PTPRD: variants seen among roughly 807,000 people sequenced by gnomAD.
PTPRD encodes protein tyrosine phosphatase receptor type D, also known as receptor-type tyrosine-protein phosphatase delta.
A neutral mutation model predicts 214.5 loss-of-function variants in PTPRD; 34 were observed. That is an observed-to-expected ratio of 0.16 (90% CI 0.12 to 0.21). The LOEUF (loss-of-function observed/expected upper bound fraction) is 0.21, where lower values mean the gene tolerates loss of function less well. Ranked by LOEUF, PTPRD falls within the 10% of genes least tolerant of loss-of-function variation. PTPRD has a pLI of 1.00. For missense variants in PTPRD, 2,545 were observed against 2,398.7 expected (o/e 1.06, Z -1.27); for synonymous variants, 1,128 against 845.7 (o/e 1.33, Z -5.79).
chr9:10,031,647 T>TATATATACAC, intron 4 of PTPRD, among the ~76,000 whole-genome samples: 5 of 89,644 alleles, frequency 5.6e-5, no homozygotes, highest in African/African-American at 4.0e-4. Context: ...TATATATATA[T>TATATATACAC]ACACACACAC....
intron 2 of PTPRD, among the ~76,000 whole-genome samples, chr9:10,556,983 C>T (rs921540274): frequency 6.6e-6 from 1 of 151,984 alleles, no homozygotes; most frequent in Non-Finnish European, 1.5e-5. Context: ...TATGAAATTA[C>T]GGATATACCA....
chr9:8,654,911 T>C (rs2096880135), intron 12 of PTPRD, among the ~76,000 whole-genome samples: 2 of 152,164 alleles, frequency 1.3e-5, no homozygotes, highest in African/African-American at 4.8e-5. Flanking sequence ...GCTCTTTTTT[T>C]CTGTTAGACT....
At chr9:8,357,257 A>C (rs1228746431) in intron 39 of PTPRD, among the ~76,000 whole-genome samples, 1 of 152,162 alleles carries the variant, frequency 6.6e-6, no homozygotes, top group Non-Finnish European at 1.5e-5. Context: ...GCTTTTCCTA[A>C]CTTTACCAGA....
intron 5 of PTPRD, among the ~76,000 whole-genome samples, chr9:9,924,829 T>C (rs1366116453): frequency 6.6e-6 from 1 of 152,066 alleles, no homozygotes; most frequent in African/African-American, 2.4e-5. Context: ...ATACCACATA[T>C]CTCTACTTTT....
intron 11 of PTPRD, among the ~76,000 whole-genome samples, chr9:8,755,529 C>CA (rs1555277291): frequency 0.17 from 14,688 of 88,056 alleles, 1,720 homozygotes; most frequent in African/African-American, 0.34. Context: ...AACTCTGTCT[C>CA]AAAAAAAAAA....
intron 5 of PTPRD, among the ~76,000 whole-genome samples, chr9:9,790,346 G>C (rs2025393): frequency 0.16 from 24,897 of 152,116 alleles, 3,169 homozygotes; most frequent in African/African-American, 0.35. Context: ...ACCTTCCCCA[G>C]GGGCTTGAGA....
intron 6 of PTPRD, among the ~76,000 whole-genome samples, chr9:9,753,980 G>C (rs780807526): frequency 6.6e-6 from 1 of 151,986 alleles, no homozygotes; most frequent in Non-Finnish European, 1.5e-5. Flanking sequence ...AGATCCCCTA[G>C]ATCCAATATA....
At chr9:10,206,986 C>G (rs983782210) in intron 3 of PTPRD, among the ~76,000 whole-genome samples, 1 of 152,034 alleles carries the variant, frequency 6.6e-6, no homozygotes, top group Non-Finnish European at 1.5e-5. Flanking sequence ...TTTTGTAAAA[C>G]TGAGGTCAAA....
At chr9:10,410,642 G>A (rs1166800706) in intron 2 of PTPRD, among the ~76,000 whole-genome samples, 1 of 151,576 alleles carries the variant, frequency 6.6e-6, no homozygotes, top group Non-Finnish European at 1.5e-5. Context: ...CTTGTACCAA[G>A]TGACATAAAA....
intron 9 of PTPRD, among the ~76,000 whole-genome samples, chr9:9,291,685 T>C (rs1951190814): frequency 6.6e-6 from 1 of 151,250 alleles, no homozygotes; most frequent in Admixed American, 6.6e-5. Context: ...ATTTAAAGGG[T>C]AATTGTGAAT....
chr9:8,484,344 ACTT>A lies in PTPRD; in HGVS notation c.3185_3187del (p.Glu1062del), dbSNP rs1282828198. On this transcript the variant is annotated inframe_deletion, in exon 30 of 46. Transcript: ENST00000381196. ...TAACTTCTGTGTGGCTCGGCCATCC[ACTT>A]CTTCTACCATTTTCCCATCATCATA... 8 of 1,613,934 alleles carry A rather than the reference ACTT, an allele frequency of 5.0e-6. No homozygotes were observed. The highest frequency in any genetic ancestry group is 1.3e-5 in the African/African-American group (1 of 74,892).
intron 2 of PTPRD, among the ~76,000 whole-genome samples, chr9:10,540,589 A>T (rs2058885258): frequency 6.6e-6 from 1 of 152,160 alleles, no homozygotes; most frequent in African/African-American, 2.4e-5. Flanking sequence ...ATCCATTCCT[A>T]CATGTTTAGT....
intron 2 of PTPRD, among the ~76,000 whole-genome samples, chr9:10,504,392 T>G (rs546648410): frequency 1.3e-5 from 2 of 152,150 alleles, no homozygotes; most frequent in African/African-American, 4.8e-5. Flanking sequence ...CGGTTTACTC[T>G]GCTTAGTAGG....
chr9:8,755,479 A>C (rs2093920935), intron 11 of PTPRD, among the ~76,000 whole-genome samples: 1 of 151,728 alleles, frequency 6.6e-6, no homozygotes, highest in Admixed American at 6.6e-5. Flanking sequence ...CAGTGAGCCC[A>C]AGACACACCA....
chr9:8,953,538 T>A (rs2099114959), intron 11 of PTPRD, among the ~76,000 whole-genome samples: 1 of 151,790 alleles, frequency 6.6e-6, no homozygotes, highest in Non-Finnish European at 1.5e-5. Context: ...GCAAGAGAAA[T>A]TATCAAGGGA....
intron 5 of PTPRD, among the ~76,000 whole-genome samples, chr9:9,789,632 C>A (rs1280840912): frequency 6.6e-6 from 1 of 151,510 alleles, no homozygotes; most frequent in Non-Finnish European, 1.5e-5. Flanking sequence ...CCCGTCCCTA[C>A]TAAAAATACA....
intron 12 of PTPRD, among the ~76,000 whole-genome samples, chr9:8,691,218 G>C (rs780404771): frequency 8.6e-5 from 13 of 151,692 alleles, no homozygotes; most frequent in Non-Finnish European, 1.8e-4. Context: ...ACCTAAGGGA[G>C]AAGAGAAAAA....
At chr9:8,337,411 G>A (rs943271642) in intron 43 of PTPRD, among the ~76,000 whole-genome samples, 6 of 151,734 alleles carry the variant, frequency 4.0e-5, no homozygotes, top group East Asian at 1.9e-4. Context: ...GAGAACACAC[G>A]GACACACGGA....
chr9:9,665,145 T>A (rs1004121276), intron 7 of PTPRD, among the ~76,000 whole-genome samples: 2 of 151,638 alleles, frequency 1.3e-5, no homozygotes, highest in Non-Finnish European at 3.0e-5. Context: ...GGGTGAGGAA[T>A]AATTACTCAG....
Sources: allele counts gnomAD v4.1 joint callset (sites outside exome capture counted in the v4.1 genomes callset), GRCh38; gene constraint gnomAD v4.1.1; transcripts MANE v1.5; gene names NCBI Gene and HGNC (gene_info 2026-07-23, HGNC 2026-07-21).